The following CLTA variants were observed in gnomAD, a reference collection of about 807,000 sequenced individuals.
The protein encoded by CLTA is clathrin, light polypeptide (Lca).
Under a neutral mutation model 26.9 loss-of-function variants are expected in CLTA, and 9 were observed. The observed-to-expected ratio is 0.33, with a 90% confidence interval of 0.20 to 0.58. CLTA has a LOEUF of 0.58. CLTA is among the 20% of genes least tolerant of loss of function. CLTA has a pLI of 0.85. For synonymous variants in CLTA, 120 were observed against 115.5 expected (o/e 1.04, Z -0.25); for missense variants, 278 against 294.2 (o/e 0.94, Z 0.40).
intron 1 of CLTA, among the ~76,000 whole-genome samples, chr9:36,192,992 A>G (rs940064282): frequency 2.6e-5 from 4 of 152,218 alleles, no homozygotes; most frequent in Non-Finnish European, 5.9e-5. Flanking sequence ...CTCACGTTTG[A>G]CAAAGAAATG....
intron 1 of CLTA, among the ~76,000 whole-genome samples, 193 bp downstream of exon 1, chr9:36,191,466 T>G (rs1249693505): frequency 6.6e-6 from 1 of 152,188 alleles, no homozygotes; most frequent in South Asian, 2.1e-4. Flanking sequence ...CTCAGCATGT[T>G]TGAGTGCTTC....
chr9:36,193,022 A>G (rs1264805317), intron 1 of CLTA, among the ~76,000 whole-genome samples: 1 of 152,250 alleles, frequency 6.6e-6, no homozygotes, highest in Non-Finnish European at 1.5e-5. Context: ...GTCAGATCCA[A>G]GGGTCCTATG....
intron 1 of CLTA, among the ~76,000 whole-genome samples, chr9:36,193,802 G>A (rs1225119532): frequency 6.6e-6 from 1 of 152,198 alleles, no homozygotes; most frequent in Non-Finnish European, 1.5e-5. Flanking sequence ...GACTCCTTTG[G>A]TTGTTAAGAG....
At position 36,194,440 on chromosome 9, in the gene CLTA, C is replaced by T. The variant is rs149170851; in HGVS notation, c.218-3111C>T. Among the ~76,000 whole-genome samples, 298 of 152,268 alleles carry T rather than the reference C, an allele frequency of 2.0e-3. 1 individual carries two copies. The highest frequency in any genetic ancestry group is 6.7e-3 in the African/African-American group (280 of 41,552). On this transcript the variant is annotated intron_variant, in intron 1 of 4. Transcript: ENST00000345519. ...GAGGGAAGTTTAGGGAAATCTCATGCATGATAGTTAATTGTACTGCACATT... is the reference window on the plus strand; with the variant it reads ...GAGGGAAGTTTAGGGAAATCTCATGTATGATAGTTAATTGTACTGCACATT...
intron 4 of CLTA, among the ~76,000 whole-genome samples, chr9:36,207,595 T>C (rs1020164655): frequency 6.6e-6 from 1 of 152,192 alleles, no homozygotes; most frequent in African/African-American, 2.4e-5. Flanking sequence ...TGGCTGAGGA[T>C]TGCTACTTTC....
intron 3 of CLTA, among the ~76,000 whole-genome samples, chr9:36,203,356 A>T (rs1028588046): frequency 1.3e-5 from 2 of 152,068 alleles, no homozygotes; most frequent in African/African-American, 4.8e-5. Flanking sequence ...TCTCCAGTGG[A>T]GTTTCTTTTG....
chr9:36,199,454 CT>C (rs879907387), intron 3 of CLTA, among the ~76,000 whole-genome samples: 266 of 142,310 alleles, frequency 1.9e-3, no homozygotes, highest in Middle Eastern at 3.6e-3. Flanking sequence ...TTTCTTTTTT[CT>C]TTTTTTTTTT....
At chr9:36,198,874 C>CAAAA (rs374265014) in intron 2 of CLTA, 105 bp from the exon 3 acceptor site, 310 of 455,432 alleles carry the variant, frequency 6.8e-4, no homozygotes, top group South Asian at 1.6e-3. Flanking sequence ...AACTCTGTCT[C>CAAAA]AAAAAAAAAA....
chr9:36,194,334 ATTTC>A (rs1826909548), intron 1 of CLTA, among the ~76,000 whole-genome samples: 2 of 152,220 alleles, frequency 1.3e-5, no homozygotes, highest in South Asian at 4.1e-4. Flanking sequence ...GTGACAAGTT[ATTTC>A]TTGTAGGAGA....
At chr9:36,207,608 G>C (rs1030053555) in intron 4 of CLTA, among the ~76,000 whole-genome samples, 1 of 152,212 alleles carries the variant, frequency 6.6e-6, no homozygotes, top group Admixed American at 6.5e-5. Context: ...CTACTTTCAA[G>C]TGAAGGACAA....
chr9:36,192,735 C>T (rs546950193), intron 1 of CLTA, among the ~76,000 whole-genome samples: 1 of 152,244 alleles, frequency 6.6e-6, no homozygotes, highest in South Asian at 2.1e-4. Flanking sequence ...TAAAAAAGCA[C>T]GAGTTAATAG....
At chr9:36,196,657 G>A (rs755475447) in intron 1 of CLTA, among the ~76,000 whole-genome samples, 7 of 152,058 alleles carry the variant, frequency 4.6e-5, no homozygotes, top group Non-Finnish European at 5.9e-5. Context: ...CTGTAACCCA[G>A]CAATTCTACA....
intron 3 of CLTA, among the ~76,000 whole-genome samples, chr9:36,200,029 G>A (rs1279990977): frequency 3.3e-5 from 5 of 152,118 alleles, no homozygotes; most frequent in Non-Finnish European, 5.9e-5. Context: ...TTTAATGTGC[G>A]TGGCCATCTA....
chr9:36,204,759 A>C (rs1383875406), intron 4 of CLTA, among the ~76,000 whole-genome samples: 1 of 152,218 alleles, frequency 6.6e-6, no homozygotes, highest in Admixed American at 6.5e-5. Context: ...ACTGATGGTT[A>C]AGGAGTTGTG....
At chr9:36,207,997 C>G (rs979608176) in intron 4 of CLTA, among the ~76,000 whole-genome samples, 3 of 152,074 alleles carry the variant, frequency 2.0e-5, no homozygotes, top group Non-Finnish European at 4.4e-5. Flanking sequence ...TTTAAATTTC[C>G]ACAAAACACC....
chr9:36,199,431 T>G (rs1827268564), intron 3 of CLTA, among the ~76,000 whole-genome samples: 1 of 151,602 alleles, frequency 6.6e-6, no homozygotes, highest in South Asian at 2.1e-4. Context: ...ACTTTAACAG[T>G]CCATTTTTCT....
chr9:36,199,544 G>A (rs375805831), intron 3 of CLTA, among the ~76,000 whole-genome samples: 222 of 151,484 alleles, frequency 1.5e-3, no homozygotes, highest in Middle Eastern at 0.01. Context: ...CTGCCTCCCG[G>A]GTTCACACCA....
At chr9:36,201,105 G>T (rs1827376299) in intron 3 of CLTA, among the ~76,000 whole-genome samples, 1 of 152,184 alleles carries the variant, frequency 6.6e-6, no homozygotes, top group Non-Finnish European at 1.5e-5. Flanking sequence ...ATGAAATTGG[G>T]TACTTGGGGA....
chr9:36,195,203 A>G (rs943268145), intron 1 of CLTA, among the ~76,000 whole-genome samples: 1 of 152,210 alleles, frequency 6.6e-6, no homozygotes, highest in Non-Finnish European at 1.5e-5. Flanking sequence ...AAAAGAAGAA[A>G]AGTGAGTATT....
Sources: allele counts gnomAD v4.1 joint callset (sites outside exome capture counted in the v4.1 genomes callset), GRCh38; gene constraint gnomAD v4.1.1; transcripts MANE v1.5; gene names NCBI Gene and HGNC (gene_info 2026-07-23, HGNC 2026-07-21).